Variants in CUL2 observed in about 807,000 individuals in gnomAD.
CUL2 encodes the protein cullin 2.
Under a neutral mutation model 110.2 loss-of-function variants are expected in CUL2, and 22 were observed. The observed-to-expected ratio is 0.20, with a 90% CI of 0.14 to 0.28. The LOEUF is 0.28. CUL2 is among the 10% of genes least tolerant of loss of function. CUL2 has a pLI of 1.00. For synonymous variants in CUL2, 279 were observed against 293.2 expected, an observed-to-expected ratio of 0.95 and a Z score of 0.49; for missense variants, 631 against 905.5, an observed-to-expected ratio of 0.70 and a Z score of 3.89.
In CUL2 at chr10:35,038,525, C is replaced by CAAAAAAA. The variant is rs61022194; in HGVS notation, c.877+388_877+394dup. Among the ~76,000 whole-genome samples the CAAAAAAA allele has an allele frequency of 1.8e-4, 12 of 65,468 alleles. 1 individual carries two copies. Among genetic ancestry groups the CAAAAAAA allele is most frequent in the African/African-American group, 6.7e-4 (10 of 14,978 alleles). 42.9% of individuals were successfully genotyped at this position (65,468 alleles called of 152,430 possible). On this transcript the variant is annotated intron_variant, in intron 9 of 20. Transcript: ENST00000374749. ...TGGGCGACAGAGTGAGACTCTGTCT[C>CAAAAAAA]AAAAAAAAAAAAAAAAAAAAAAAAA...
At chr10:35,084,436 AC>A (rs2087013456) in intron 1 of CUL2, among the ~76,000 whole-genome samples, 3 of 152,184 alleles carry the variant, frequency 2.0e-5, no homozygotes, top group Admixed American at 6.6e-5. Context: ...CACAATCTTA[AC>A]CTAACACTAC....
intron 1 of CUL2, among the ~76,000 whole-genome samples, chr10:35,083,180 GA>G (rs1564745990): frequency 6.7e-6 from 1 of 149,752 alleles, no homozygotes; most frequent in Non-Finnish European, 1.5e-5. Context: ...GAAAGAAAAA[GA>G]AAAAAAGAAA....
intron 1 of CUL2, among the ~76,000 whole-genome samples, chr10:35,108,984 G>C (rs1380199275): frequency 1.3e-5 from 2 of 152,194 alleles, no homozygotes; most frequent in African/African-American, 4.8e-5. Flanking sequence ...AGGCCGAAGT[G>C]GGTGGACCAC....
chr10:35,013,274 G>A (rs1429528018), intron 19 of CUL2, among the ~76,000 whole-genome samples: 1 of 149,706 alleles, frequency 6.7e-6, no homozygotes, highest in East Asian at 2.0e-4. Flanking sequence ...GAACCCGGGA[G>A]GCAGAGCTTG....
Position 35,044,687 on chromosome 10 carries a change from C to A in CUL2, c.604-11G>T. On this transcript the variant is annotated splice_polypyrimidine_tract_variant and intron_variant, in intron 7 of 20. Transcript: ENST00000374749. ...AATTTCCTGATAAAACTGAATAAAT[C>A]AATTACATCATATTAGAAGAAATTA... is the stretch of plus-strand genomic sequence containing the variant. 6.3e-7 allele frequency: 1 copy of A among 1,589,108 alleles called. No homozygotes were observed. Among genetic ancestry groups the A allele is most frequent in the South Asian group, 1.1e-5 (1 of 88,982 alleles).
intron 1 of CUL2, among the ~76,000 whole-genome samples, chr10:35,075,216 G>A (rs2086785776): frequency 6.6e-6 from 1 of 152,140 alleles, no homozygotes; most frequent in Admixed American, 6.6e-5. Flanking sequence ...ACCAAAAACT[G>A]ACAAACCAAT....
chr10:35,111,742 G>T (rs1435258558), intron 1 of CUL2, among the ~76,000 whole-genome samples: 1 of 152,172 alleles, frequency 6.6e-6, no homozygotes, highest in Non-Finnish European at 1.5e-5. Flanking sequence ...GAAAAAATTA[G>T]CTGGGCGTGG....
intron 2 of CUL2, among the ~76,000 whole-genome samples, chr10:35,096,786 A>G (rs1206958225): frequency 6.6e-6 from 1 of 151,516 alleles, no homozygotes; most frequent in African/African-American, 2.4e-5. Flanking sequence ...TTTTAGTAGT[A>G]GAAAGATGTA....
At chr10:35,068,639 T>A (rs1057206384) in intron 2 of CUL2, among the ~76,000 whole-genome samples, 5 of 152,206 alleles carry the variant, frequency 3.3e-5, no homozygotes, top group Non-Finnish European at 7.3e-5. Context: ...AACTTGTCCA[T>A]ATTTGTGTTA....
intron 1 of CUL2, among the ~76,000 whole-genome samples, chr10:35,085,363 G>A (rs1277826245): frequency 6.6e-6 from 1 of 151,324 alleles, no homozygotes; most frequent in Non-Finnish European, 1.5e-5. Flanking sequence ...CCAGGAGGCA[G>A]AGCTTGCAGT....
At chr10:35,086,936 CA>C (rs1159838024) in intron 1 of CUL2, among the ~76,000 whole-genome samples, 1 of 152,188 alleles carries the variant, frequency 6.6e-6, no homozygotes, top group East Asian at 1.9e-4. Context: ...TATATGTCCA[CA>C]AATATTTTTT....
intron 1 of CUL2, among the ~76,000 whole-genome samples, chr10:35,076,619 T>C (rs2086824445): frequency 6.6e-6 from 1 of 152,218 alleles, no homozygotes; most frequent in Non-Finnish European, 1.5e-5. Flanking sequence ...ATAAATGTTA[T>C]ATGTTCCTGG....
In CUL2 at chr10:35,025,216, AAAC is replaced by A. The variant is rs774744754; in HGVS notation, c.1618-21_1618-19del. 74 of 1,553,352 alleles carry A rather than the reference AAAC, an allele frequency of 4.8e-5. No homozygotes were observed. The African/African-American group carries it at 7.1e-4, about 15-fold the overall frequency. On this transcript the variant is annotated intron_variant, in intron 16 of 20. Transcript: ENST00000374749. ...AATTCAAACTGTAAAAAAAAAAAAA[AAAC>A]ACACATTATTTTTAGCTACTATAAC...
intron 1 of CUL2, among the ~76,000 whole-genome samples, chr10:35,114,146 TCTCCTGAC>T (rs775843495): frequency 6.6e-6 from 1 of 151,266 alleles, no homozygotes; most frequent in Non-Finnish European, 1.5e-5. Context: ...ATGGTCTCGA[TCTCCTGAC>T]CTCGTGATCC....
chr10:35,018,657 G>A (rs531856792), intron 17 of CUL2, among the ~76,000 whole-genome samples: 4 of 151,128 alleles, frequency 2.6e-5, no homozygotes, highest in Admixed American at 6.6e-5. Flanking sequence ...CATCTACTCC[G>A]GAGGCTGAGG....
intron 1 of CUL2, among the ~76,000 whole-genome samples, chr10:35,110,562 C>T (rs1391792958): frequency 2.0e-5 from 3 of 151,990 alleles, no homozygotes; most frequent in African/African-American, 7.3e-5. Context: ...GAGACCTTGT[C>T]TAAAAAAATA....
intron 18 of CUL2, among the ~76,000 whole-genome samples, chr10:35,015,198 C>T (rs554558861): frequency 2.3e-3 from 347 of 150,662 alleles, no homozygotes; most frequent in African/African-American, 7.3e-3. Flanking sequence ...GAGGCTGAGA[C>T]AGGAGAATCA....
chr10:35,093,042 C>G (rs981066595), upstream of CUL2, among the ~76,000 whole-genome samples: 9 of 152,072 alleles, frequency 5.9e-5, no homozygotes, highest in African/African-American at 2.2e-4. Context: ...CACCTGGACT[C>G]GTGACTCATG....
chr10:35,028,727 C>G (rs527336680), intron 16 of CUL2, 83 bp downstream of exon 16: 52 of 896,090 alleles, frequency 5.8e-5, no homozygotes, highest in Non-Finnish European at 8.4e-5. Flanking sequence ...CCTTAAGACT[C>G]TGAAAAAATA....
Sources: allele counts gnomAD v4.1 joint callset (sites outside exome capture counted in the v4.1 genomes callset), GRCh38; gene constraint gnomAD v4.1.1; transcripts MANE v1.5; gene names NCBI Gene and HGNC (gene_info 2026-07-23, HGNC 2026-07-21).